The following TECPR2 variants were observed in gnomAD, a reference collection of about 807,000 sequenced individuals.
TECPR2 encodes tectonin beta-propeller repeat containing 2.
A neutral mutation model predicts 138.1 loss-of-function variants in TECPR2; 65 were observed. That is an observed-to-expected ratio of 0.47 (90% CI 0.39 to 0.58). The LOEUF (loss-of-function observed/expected upper bound fraction) is 0.58. TECPR2 is among the 20% of genes least tolerant of loss of function. The probability of loss-of-function intolerance (pLI) is 0.00; values close to 1 mark genes in which losing one functional copy is unlikely to be tolerated. For synonymous variants in TECPR2, 746 were observed against 749.8 expected (o/e 0.99, Z 0.08); for missense variants, 1,553 against 1,824.5 (o/e 0.85, Z 2.71).
chr14:102,498,479 A>G lies in TECPR2; in HGVS notation c.*222A>G, dbSNP rs1891353817. 3.2e-6 allele frequency: 2 copies of G among 619,244 alleles called. No individual in the cohort carries two copies. Among genetic ancestry groups the G allele is most frequent in the South Asian group, 4.0e-5 (2 of 50,474 alleles). 38.4% of individuals were successfully genotyped at this position (619,244 alleles called of 1,614,324 possible). Reference sequence around the variant, plus strand: ...GATTGCTGCAGCAGTGGCGCCTCCTAGCTCAGGACAGTGGCGACTGCCCGG... The same window carrying G: ...GATTGCTGCAGCAGTGGCGCCTCCTGGCTCAGGACAGTGGCGACTGCCCGG... On this transcript the variant is annotated 3_prime_UTR_variant, in exon 20 of 20. Transcript: ENST00000359520.
At chr14:102,411,341 T>C (rs1380169783) in intron 4 of TECPR2, among the ~76,000 whole-genome samples, 2 of 152,338 alleles carry the variant, frequency 1.3e-5, no homozygotes, top group Middle Eastern at 3.4e-3. Context: ...GACTTCCACG[T>C]ACGTATACGC....
Position 102,419,509 on chromosome 14 carries a change from G to A in TECPR2, c.638+4716G>A, listed in dbSNP as rs1046424753. 1.3e-5 allele frequency among the ~76,000 whole-genome samples: 2 copies of A among 152,082 alleles called. No homozygotes were observed. Among genetic ancestry groups the A allele is most frequent in the African/African-American group, 2.4e-5 (1 of 41,394 alleles). Reference sequence around the variant, plus strand: ...GTGCTGGTGGGGACAGAGTGCAGGCGGTGGCCTCAGTTGGGCCCTCTCATG... The same window carrying A: ...GTGCTGGTGGGGACAGAGTGCAGGCAGTGGCCTCAGTTGGGCCCTCTCATG... On this transcript the variant is annotated intron_variant, in intron 5 of 19. Coordinates refer to ENST00000359520, the MANE Select transcript of TECPR2 (RefSeq NM_014844.5). This position sits in a 1 kb window ranked among gnomAD's most constrained non-coding sequence, Gnocchi z 4.8.
At chr14:102,453,980 C>A (rs190760479) in intron 16 of TECPR2, among the ~76,000 whole-genome samples, 15 of 152,150 alleles carry the variant, frequency 9.9e-5, no homozygotes, top group African/African-American at 2.9e-4. Context: ...GAAACCCCGT[C>A]TTTACTAAAA....
Position 102,475,403 on chromosome 14 carries a change from G to C in TECPR2, c.3789+10114G>C, listed in dbSNP as rs372975809. ...TGAAGAGTTTGAAGCCAGGCAGGTG[G>C]CCTGGTCAGACCATGTTTGAGGAAG... On this transcript the variant is annotated intron_variant, in intron 17 of 19. Transcript: ENST00000359520. Among the ~76,000 whole-genome samples, 280 of 152,234 alleles carry C rather than the reference G, an allele frequency of 1.8e-3. 2 individuals carry two copies. Among genetic ancestry groups the C allele is most frequent in the African/African-American group, 6.1e-3 (254 of 41,548 alleles).
intron 4 of TECPR2, among the ~76,000 whole-genome samples, chr14:102,410,941 C>T (rs1484810165): frequency 6.6e-6 from 1 of 152,304 alleles, no homozygotes; most frequent in Non-Finnish European, 1.5e-5. Context: ...ACTCTCTAAT[C>T]AGATATCCTG....
chr14:102,482,870 G>A, intron 17 of TECPR2, among the ~76,000 whole-genome samples: 1 of 134,882 alleles, frequency 7.4e-6, no homozygotes, highest in African/African-American at 2.8e-5. Context: ...TTGAGACGGA[G>A]TCTCGCTCTG....
intron 2 of TECPR2, among the ~76,000 whole-genome samples, chr14:102,405,563 AT>A (rs1387068513): frequency 3.3e-5 from 5 of 152,236 alleles, no homozygotes; most frequent in Non-Finnish European, 7.3e-5. Context: ...ACCCTGGTGC[AT>A]TGTTCACAGG....
At chr14:102,425,943 G>T (rs1405420098) in intron 6 of TECPR2, among the ~76,000 whole-genome samples, 1 of 146,336 alleles carries the variant, frequency 6.8e-6, no homozygotes, top group Non-Finnish European at 1.5e-5. Flanking sequence ...AGTGTGCAGT[G>T]GTGCAATCTG....
At chr14:102,405,199 C>T (rs1162924815) in intron 2 of TECPR2, among the ~76,000 whole-genome samples, 3 of 152,036 alleles carry the variant, frequency 2.0e-5, no homozygotes, top group Non-Finnish European at 4.4e-5. Context: ...GTCCCAGCTA[C>T]TCTGGAGGCT....
At chr14:102,477,130 G>A (rs1233497749) in intron 17 of TECPR2, among the ~76,000 whole-genome samples, 5 of 152,240 alleles carry the variant, frequency 3.3e-5, no homozygotes, top group Non-Finnish European at 5.9e-5. Flanking sequence ...AGCACTTTGG[G>A]AGGCCAGGGC....
In TECPR2 at chr14:102,449,850, C is replaced by T. The variant is rs145454921; in HGVS notation, c.3297C>T (p.Val1099=). 1.5e-5 allele frequency: 24 copies of T among 1,613,680 alleles called. No homozygotes were observed. The highest frequency in any genetic ancestry group is 5.3e-5 in the African/African-American group (4 of 75,010). Residue 1099 remains valine (V), a synonymous_variant, in exon 14 of 20, where the codon GTC becomes GTT. Coordinates refer to ENST00000359520, the MANE Select transcript of TECPR2 (RefSeq NM_014844.5). ...CCTCGGGCAAGAATGAATTCCACGT[C>T]GCTAAGGGAAGTCTCATAGGTGGGT... ...WISSGKNEFH[V]AKGSLIGTYW... is the part of the protein sequence containing the mutation.
At chr14:102,431,635 C>T (rs1382717810) in intron 7 of TECPR2, among the ~76,000 whole-genome samples, 161 bp from the exon 8 acceptor site, 9 of 152,212 alleles carry the variant, frequency 5.9e-5, no homozygotes, top group Admixed American at 5.9e-4. Context: ...AGTCACCGTG[C>T]CCATCCTAGT....
At chr14:102,422,107 T>G (rs533314818) in intron 5 of TECPR2, among the ~76,000 whole-genome samples, 17 of 152,300 alleles carry the variant, frequency 1.1e-4, no homozygotes, top group African/African-American at 3.8e-4. Context: ...ACCCAGCGAT[T>G]ACCCCACAGC....
rs1209960774 is a variant in TECPR2, at chr14:102,419,441, C to T, written c.638+4648C>T. 6.6e-6 allele frequency among the ~76,000 whole-genome samples: 1 copy of T among 152,090 alleles called. No homozygotes were observed. The highest frequency in any genetic ancestry group is 1.5e-5 in the Non-Finnish European group (1 of 68,030). On this transcript the variant is annotated intron_variant, in intron 5 of 19. Transcript: ENST00000359520. The surrounding 1 kb of genome is among the most constrained non-coding windows in gnomAD (Gnocchi z 4.8). ...GAGTTTTGGGAGAGGGGCCGTGTGGCAGCACATTGGTGTGTGACGCGGGTG... is the reference window on the plus strand; with the variant it reads ...GAGTTTTGGGAGAGGGGCCGTGTGGTAGCACATTGGTGTGTGACGCGGGTG...
At chr14:102,376,613 C>G in intron 1 of TECPR2, 37 bp from the exon 2 acceptor site, 1 of 953,292 alleles carries the variant, frequency 1.0e-6, no homozygotes. Context: ...TTTGCCATGA[C>G]TAGGCATTGA....
intron 1 of TECPR2, 117 bp downstream of exon 1, chr14:102,363,233 C>G (rs1023515783): frequency 4.6e-6 from 1 of 219,148 alleles, no homozygotes; most frequent in East Asian, 9.7e-5. Flanking sequence ...CCCGCAGGGT[C>G]TCCATGCCCG....
At chr14:102,400,008 T>C (rs1232269604) in intron 2 of TECPR2, among the ~76,000 whole-genome samples, 1 of 151,886 alleles carries the variant, frequency 6.6e-6, no homozygotes, top group Non-Finnish European at 1.5e-5. Flanking sequence ...GCTAGTAGTA[T>C]TGTAATGTTG....
chr14:102,440,345 C>CT lies in TECPR2; in HGVS notation c.2579-88dup. On this transcript the variant is annotated intron_variant, in intron 10 of 19. Coordinates refer to ENST00000359520, the MANE Select transcript of TECPR2 (RefSeq NM_014844.5). ...ACAGAACAGGATGTGTTTTAGAAAT[C>CT]TTTCTCCCCTCAATGCCCAGCATGA... The CT allele has an allele frequency of 2.0e-6, 3 of 1,502,652 alleles. No homozygotes were observed. In the South Asian group the frequency reaches 3.9e-5, roughly 19 times the overall value. 93.1% of individuals were successfully genotyped at this position (1,502,652 alleles called of 1,614,324 possible).
At chr14:102,404,670 A>G (rs889420497) in intron 2 of TECPR2, among the ~76,000 whole-genome samples, 2 of 150,936 alleles carry the variant, frequency 1.3e-5, no homozygotes. Context: ...TCCACCTCCT[A>G]GGTTCAAATG....
Sources: gnomAD v4.1 joint callset for allele counts (sites outside exome capture counted in the v4.1 genomes callset) on GRCh38, gnomAD v4.1.1 for gene constraint, Gnocchi (gnomAD v3.1) non-coding constraint, MANE v1.5 for transcripts, NCBI Gene and HGNC (gene_info 2026-07-23, HGNC 2026-07-21) for gene names.